SPP2: variants seen among roughly 807,000 people sequenced by gnomAD.
The protein encoded by SPP2 is secreted phosphoprotein 2.
Under a neutral mutation model 28.8 loss-of-function variants are expected in SPP2, and 34 were observed. That is an observed-to-expected ratio of 1.18 (90% confidence interval 0.90 to 1.57). The LOEUF is 1.57. Ranked by LOEUF, SPP2 falls within the 40% of genes most tolerant of loss-of-function variation. The probability of loss-of-function intolerance (pLI) is 0.00; values close to 1 mark genes in which losing one functional copy is unlikely to be tolerated. For synonymous variants in SPP2, 96 were observed against 89.4 expected (o/e 1.07, Z -0.42); for missense variants, 269 against 263.9 (o/e 1.02, Z -0.13).
intron 7 of SPP2, among the ~76,000 whole-genome samples, chr2:234,074,229 T>C (rs1574838453): frequency 6.6e-6 from 1 of 152,308 alleles, no homozygotes; most frequent in South Asian, 2.1e-4. Flanking sequence ...CAAGACTTAT[T>C]TGTTTAAGAA....
chr2:234,052,037 G>C (rs981883571), intron 2 of SPP2, among the ~76,000 whole-genome samples: 1 of 152,170 alleles, frequency 6.6e-6, no homozygotes, highest in African/African-American at 2.4e-5. Flanking sequence ...ATCTTCCTCA[G>C]AACCTGGCTC....
intron 4 of SPP2, among the ~76,000 whole-genome samples, chr2:234,065,684 C>A (rs1277524837): frequency 6.6e-6 from 1 of 152,130 alleles, no homozygotes; most frequent in Non-Finnish European, 1.5e-5. Context: ...TTTAATTGCA[C>A]TATTTGTCTT....
intron 2 of SPP2, among the ~76,000 whole-genome samples, chr2:234,054,752 T>A (rs1693572472): frequency 6.6e-6 from 1 of 152,082 alleles, no homozygotes; most frequent in African/African-American, 2.4e-5. Flanking sequence ...TCCATTGCAA[T>A]CTTTCCAGCT....
chr2:234,056,791 T>C (rs942515503), intron 2 of SPP2, among the ~76,000 whole-genome samples: 3 of 152,058 alleles, frequency 2.0e-5, no homozygotes, highest in African/African-American at 4.8e-5. Flanking sequence ...AATGGTGAGG[T>C]TGAGTTTTTA....
intron 2 of SPP2, among the ~76,000 whole-genome samples, chr2:234,058,051 A>G (rs147598062): frequency 3.6e-4 from 55 of 152,316 alleles, no homozygotes; most frequent in African/African-American, 1.2e-3. Flanking sequence ...TCATCAACCC[A>G]TCAATACTAA....
chr2:234,054,725 G>A (rs566036358), intron 2 of SPP2, among the ~76,000 whole-genome samples: 2 of 152,250 alleles, frequency 1.3e-5, no homozygotes, highest in African/African-American at 4.8e-5. Context: ...TACGGATTGG[G>A]GCAGGGGGAC....
rs1477272388 is a variant in SPP2 at position 234,060,471 on chromosome 2, A to G, written c.436A>G (p.Ser146Gly). The change falls in exon 4 of 8, where the codon AGC becomes GGC. Residue 146 changes from serine to glycine, a missense_variant. Ser to Gly is a moderately conservative substitution (Grantham distance 56, BLOSUM62 0). Coordinates refer to ENST00000168148, the MANE Select transcript of SPP2 (RefSeq NM_006944.3). ...WSSSTSESYS[S>G]EEMIFGDMLG... ...CTCCTCCACGTCTGAGTCTTACAGC[A>G]GCGAAGAGGTATGACTGGGGCCTTG... 1.9e-6 allele frequency: 3 copies of G among 1,613,330 alleles called. No homozygotes were observed. Among genetic ancestry groups the G allele is most frequent in the Non-Finnish European group, 2.5e-6 (3 of 1,179,592 alleles).
rs953292820 is a variant in SPP2 at position 234,051,096 on chromosome 2, G to A, written c.210+1G>A. On this transcript the variant is annotated splice_donor_variant, in intron 2 of 7. Coordinates refer to ENST00000168148, the MANE Select transcript of SPP2 (RefSeq NM_006944.3). LOFTEE classifies it high-confidence loss of function. ...GGCATTCAGAAGCTCATTAAAAAGA[G>A]TAAGTGCAAAATGAAATCTTCTCTA... is the stretch of plus-strand genomic sequence containing the variant. 14 of 1,613,080 alleles carry A rather than the reference G, an allele frequency of 8.7e-6. No homozygotes were observed. Among genetic ancestry groups the A allele is most frequent in the South Asian group, 3.3e-5 (3 of 91,072 alleles).
rs778581699 is a variant in SPP2, at chr2:234,067,220, A to G, written c.500-4A>G. On this transcript the variant is annotated splice_region_variant and splice_polypyrimidine_tract_variant and intron_variant, in intron 5 of 7. Coordinates refer to ENST00000168148, the MANE Select transcript of SPP2 (RefSeq NM_006944.3). ...CTTGTCTTATGATTATTACTGTGTT[A>G]CAGGTCTCATTTCAGACGAGTCCAT... 3.1e-6 allele frequency: 5 copies of G among 1,613,028 alleles called. No individual in the cohort carries two copies. The highest frequency in any genetic ancestry group is 4.2e-6 in the Non-Finnish European group (5 of 1,179,148).
intron 2 of SPP2, among the ~76,000 whole-genome samples, chr2:234,054,098 C>G (rs1574821852): frequency 2.0e-5 from 3 of 152,314 alleles, no homozygotes; most frequent in East Asian, 3.9e-4. Context: ...CATCTTTGAG[C>G]TAAGACTCAC....
chr2:234,068,951 G>A (rs1693879648), intron 6 of SPP2, among the ~76,000 whole-genome samples: 1 of 152,148 alleles, frequency 6.6e-6, no homozygotes, highest in African/African-American at 2.4e-5. Context: ...GGGTGGTTCT[G>A]GCTCAGAGTC....
intron 7 of SPP2, among the ~76,000 whole-genome samples, chr2:234,070,814 C>T (rs979153856): frequency 5.3e-5 from 8 of 152,156 alleles, no homozygotes; most frequent in African/African-American, 1.9e-4. Context: ...TAGTTTAATT[C>T]TTTCCCTATG....
intron 7 of SPP2, among the ~76,000 whole-genome samples, chr2:234,075,610 AACCATGATGTT>A (rs1305350142): frequency 6.6e-6 from 1 of 151,988 alleles, no homozygotes; most frequent in African/African-American, 2.4e-5. Flanking sequence ...CTGCCCCTGA[AACCATGATGTT>A]ACCCAGGGTT....
At chr2:234,060,276 CA>C (rs1693691827) in intron 3 of SPP2, 92 bp from the exon 4 acceptor site, 1 of 866,004 alleles carries the variant, frequency 1.2e-6, no homozygotes, top group Admixed American at 2.2e-5. Flanking sequence ...GTCATTTCGT[CA>C]AACCTGACAT....
chr2:234,066,734 C>G lies in SPP2; in HGVS notation c.499+147C>G, dbSNP rs750345908. ...CATAGAAAATTAACATTTTGTTTTGCTTTTGCTTATTTTTTATCACTAGGT... is the reference window on the plus strand; with the variant it reads ...CATAGAAAATTAACATTTTGTTTTGGTTTTGCTTATTTTTTATCACTAGGT... On this transcript the variant is annotated intron_variant, in intron 5 of 7. Coordinates refer to ENST00000168148, the MANE Select transcript of SPP2 (RefSeq NM_006944.3). The G allele has an allele frequency of 1.1e-5, 7 of 662,744 alleles. No homozygotes were observed. In the African/African-American group the frequency reaches 1.1e-4, roughly 10 times the overall value. The allele number at this position is 662,744 out of a possible 1,614,324, so 41.1% of individuals were successfully genotyped here. A position where few individuals can be genotyped will look rare whatever the true frequency, so the allele number is the denominator to read the frequency against.
rs1049686398 is a variant in SPP2, at chr2:234,072,961, C to T, written c.*10+2938C>T. On this transcript the variant is annotated intron_variant, in intron 7 of 7. Coordinates refer to ENST00000168148, the MANE Select transcript of SPP2 (RefSeq NM_006944.3). ...GGAGTGCAGTGGCACAATCTCTGCTCACTGAAAACTCCGCCTCCCAGGTTC... is the reference window on the plus strand; with the variant it reads ...GGAGTGCAGTGGCACAATCTCTGCTTACTGAAAACTCCGCCTCCCAGGTTC... 2.0e-5 allele frequency among the ~76,000 whole-genome samples: 3 copies of T among 152,216 alleles called. No individual in the cohort carries two copies. The East Asian group carries it at 5.8e-4, about 29-fold the overall frequency.
chr2:234,056,851 T>C (rs1484585902), intron 2 of SPP2, among the ~76,000 whole-genome samples: 1 of 152,088 alleles, frequency 6.6e-6, no homozygotes, highest in Non-Finnish European at 1.5e-5. Context: ...TCATTATGTG[T>C]CCTATGTTAG....
At chr2:234,054,676 C>T (rs1432422447) in intron 2 of SPP2, among the ~76,000 whole-genome samples, 2 of 152,162 alleles carry the variant, frequency 1.3e-5, no homozygotes, top group African/African-American at 4.8e-5. Context: ...CCCAAAGGCC[C>T]AACCTCCAAA....
chr2:234,070,381 G>T (rs990747438), intron 7 of SPP2, among the ~76,000 whole-genome samples: 5 of 152,170 alleles, frequency 3.3e-5, no homozygotes, highest in Admixed American at 6.5e-5. Context: ...TGCGGTCTCT[G>T]GTTGCTTCCT....
Sources: allele counts gnomAD v4.1 joint callset (sites outside exome capture counted in the v4.1 genomes callset), GRCh38; gene constraint gnomAD v4.1.1; transcripts MANE v1.5; gene names NCBI Gene and HGNC (gene_info 2026-07-23, HGNC 2026-07-21).